PRKG1: variants seen among roughly 807,000 people sequenced by gnomAD.
The protein encoded by PRKG1 is protein kinase cGMP-dependent 1.
Under a neutral mutation model 88.1 loss-of-function variants are expected in PRKG1, and 35 were observed. That is an observed-to-expected ratio of 0.40 (90% confidence interval 0.30 to 0.53). PRKG1 has a LOEUF of 0.53. Among genes scored for constraint, PRKG1 ranks in the 20% least tolerant of loss-of-function variants. The pLI, the probability that PRKG1 is intolerant of heterozygous loss-of-function variation, is 0.59. For missense variants in PRKG1, 540 were observed against 839.8 expected (o/e 0.64, Z 4.41); for synonymous variants, 303 against 292.5 (o/e 1.04, Z -0.37).
intron 1 of PRKG1, among the ~76,000 whole-genome samples, chr10:51,110,818 C>T (rs1316653353): frequency 1.3e-5 from 2 of 152,144 alleles, no homozygotes; most frequent in East Asian, 3.9e-4. Flanking sequence ...AAACTGAAAG[C>T]CCAACTGCGG....
chr10:52,104,008 A>T (rs1024127350), intron 7 of PRKG1, among the ~76,000 whole-genome samples: 4 of 145,368 alleles, frequency 2.8e-5, no homozygotes, highest in Non-Finnish European at 4.5e-5. Context: ...GTGTATATAT[A>T]ATATATATAT....
intron 3 of PRKG1, among the ~76,000 whole-genome samples, chr10:51,544,402 T>A (rs1331614547): frequency 6.6e-6 from 1 of 152,120 alleles, no homozygotes; most frequent in African/African-American, 2.4e-5. Flanking sequence ...TTTTTATGGC[T>A]GCATAGTATT....
chr10:51,888,574 G>A (rs181840871), intron 4 of PRKG1, among the ~76,000 whole-genome samples: 222 of 152,288 alleles, frequency 1.5e-3, no homozygotes, highest in African/African-American at 5.0e-3. Flanking sequence ...CTCCATGGTG[G>A]CCTCTCCCTA....
Position 51,137,183 on chromosome 10 carries a change from CTAAT to C in PRKG1, c.312-15974_312-15971del, listed in dbSNP as rs1400626475. ...TACAGGCGTGAGTACCGCACCCGGCCTAATTAATTATTTCTTAAAGTGAATAGGA... is the reference window on the plus strand; with the variant it reads ...TACAGGCGTGAGTACCGCACCCGGCCTAATTATTTCTTAAAGTGAATAGGA... On this transcript the variant is annotated intron_variant, in intron 1 of 17. Coordinates refer to ENST00000373980, the MANE Select transcript of PRKG1 (RefSeq NM_006258.4). Among the ~76,000 whole-genome samples, 7 of 152,146 alleles carry C rather than the reference CTAAT, an allele frequency of 4.6e-5. No individual in the cohort carries two copies. In the East Asian group the frequency reaches 1.2e-3, roughly 25 times the overall value.
At chr10:52,046,781 T>C (rs1442550493) in intron 5 of PRKG1, 1 of 152,132 alleles carries the variant, frequency 6.6e-6, no homozygotes, top group Non-Finnish European at 1.5e-5. Flanking sequence ...GTCTCATTCA[T>C]AGGAGGCACA....
intron 1 of PRKG1, among the ~76,000 whole-genome samples, chr10:51,101,279 T>C (rs888636359): frequency 6.6e-6 from 1 of 152,152 alleles, no homozygotes. Context: ...TCTTTCTCTT[T>C]CCTTACCATG....
At chr10:51,347,036 A>G (rs1219445123) in intron 2 of PRKG1, among the ~76,000 whole-genome samples, 1 of 152,188 alleles carries the variant, frequency 6.6e-6, no homozygotes, top group African/African-American at 2.4e-5. Context: ...TCGTGGCCTC[A>G]GCATCCTGAG....
intron 4 of PRKG1, among the ~76,000 whole-genome samples, chr10:51,887,166 G>A (rs757907635): frequency 2.0e-5 from 3 of 151,980 alleles, no homozygotes; most frequent in Non-Finnish European, 2.9e-5. Flanking sequence ...TGTGTTTTTC[G>A]TAGAGACAGG....
At chr10:51,103,847 A>G (rs903509862) in intron 1 of PRKG1, among the ~76,000 whole-genome samples, 2 of 152,210 alleles carry the variant, frequency 1.3e-5, no homozygotes, top group African/African-American at 4.8e-5. Flanking sequence ...TACATACACA[A>G]CTAATTACCT....
intron 3 of PRKG1, among the ~76,000 whole-genome samples, chr10:51,520,222 A>G (rs1841700503): frequency 6.7e-6 from 1 of 150,022 alleles, no homozygotes; most frequent in African/African-American, 2.4e-5. Context: ...TATACAAATT[A>G]AATGTATATT....
At chr10:51,371,457 C>G (rs986166834) in intron 2 of PRKG1, among the ~76,000 whole-genome samples, 4 of 151,438 alleles carry the variant, frequency 2.6e-5, no homozygotes, top group African/African-American at 7.3e-5. Flanking sequence ...CAAGAGAGAG[C>G]GAGAGAGAAA....
intron 2 of PRKG1, among the ~76,000 whole-genome samples, chr10:51,446,663 G>A (rs1839281495): frequency 6.6e-6 from 1 of 152,008 alleles, no homozygotes; most frequent in African/African-American, 2.4e-5. Flanking sequence ...AACGGTCCTT[G>A]CTAATTAGAT....
intron 2 of PRKG1, among the ~76,000 whole-genome samples, chr10:51,413,785 A>G (rs1348789065): frequency 6.6e-6 from 1 of 152,258 alleles, no homozygotes; most frequent in African/African-American, 2.4e-5. Flanking sequence ...TCATTGTTCT[A>G]CAAACCAAAA....
intron 2 of PRKG1, among the ~76,000 whole-genome samples, chr10:51,352,860 A>T (rs1842280758): frequency 6.6e-6 from 1 of 152,202 alleles, no homozygotes; most frequent in Non-Finnish European, 1.5e-5. Context: ...ACTTCAAATT[A>T]TATTACACAG....
At chr10:51,141,801 C>A (rs537588274) in intron 1 of PRKG1, among the ~76,000 whole-genome samples, 89 of 152,182 alleles carry the variant, frequency 5.8e-4, no homozygotes, top group African/African-American at 2.1e-3. Flanking sequence ...TTTAAGGTTA[C>A]AAATTGTACA....
intron 3 of PRKG1, among the ~76,000 whole-genome samples, chr10:51,508,277 A>G (rs185629943): frequency 5.3e-5 from 8 of 152,272 alleles, no homozygotes; most frequent in Admixed American, 5.2e-4. Flanking sequence ...CAATATACCT[A>G]TTTATCATTA....
rs116679704 is a variant in PRKG1, at chr10:52,108,038, C to T, written c.936-25802C>T. Among the ~76,000 whole-genome samples, 705 of 152,234 alleles carry T rather than the reference C, an allele frequency of 4.6e-3. 5 individuals carry two copies. Among genetic ancestry groups the T allele is most frequent in the African/African-American group, 0.016 (661 of 41,528 alleles). On this transcript the variant is annotated intron_variant, in intron 7 of 17. Coordinates refer to ENST00000373980, the MANE Select transcript of PRKG1 (RefSeq NM_006258.4). ...TTTTCAAATTATACACACGCATGCA[C>T]ATATATAGACATTGGGTAAATATTT...
intron 1 of PRKG1, among the ~76,000 whole-genome samples, chr10:51,022,379 G>A (rs974815412): frequency 3.3e-5 from 5 of 152,296 alleles, no homozygotes; most frequent in African/African-American, 9.6e-5. Context: ...CCTCTTCAGG[G>A]CACTGTTGCT....
intron 7 of PRKG1, among the ~76,000 whole-genome samples, chr10:52,125,529 C>T (rs1847911775): frequency 6.6e-6 from 1 of 152,140 alleles, no homozygotes; most frequent in Non-Finnish European, 1.5e-5. Context: ...CCCAAGACCT[C>T]CAGTGGATAC....
Sources: gnomAD v4.1 joint callset for allele counts (sites outside exome capture counted in the v4.1 genomes callset) on GRCh38, gnomAD v4.1.1 for gene constraint, MANE v1.5 for transcripts, NCBI Gene and HGNC (gene_info 2026-07-23, HGNC 2026-07-21) for gene names.